ZSCAN18: variants seen among roughly 807,000 people sequenced by gnomAD.
The protein encoded by ZSCAN18 is zinc finger and SCAN domain containing 18.
A neutral mutation model predicts 31.1 loss-of-function variants in ZSCAN18; 16 were observed. The ratio of observed to expected loss-of-function variants is 0.51; its 90% confidence interval spans 0.35 to 0.78. The LOEUF is 0.78. Among genes scored for constraint, ZSCAN18 ranks in the 30% least tolerant of loss-of-function variants. The probability of loss-of-function intolerance (pLI) is 0.01; values close to 1 mark genes in which losing one functional copy is unlikely to be tolerated. For synonymous variants in ZSCAN18, 375 were observed against 320.7 expected (o/e 1.17, Z -1.81); for missense variants, 731 against 697.4 (o/e 1.05, Z -0.54).
Position 58,084,248 on chromosome 19 carries a change from G to C in ZSCAN18, c.*437C>G, listed in dbSNP as rs1212647719. 2 of 159,030 alleles carry C rather than the reference G, an allele frequency of 1.3e-5. No homozygotes were observed. The highest frequency in any genetic ancestry group is 3.7e-4 in the East Asian group (2 of 5,440). The allele number at this position is 159,030 out of a possible 1,614,324, so 9.9% of individuals were successfully genotyped here. On this transcript the variant is annotated 3_prime_UTR_variant, in exon 7 of 7. Coordinates refer to ENST00000601144, the MANE Select transcript of ZSCAN18 (RefSeq NM_001145543.2). The surrounding 1 kb of genome is among the most constrained non-coding windows in gnomAD (Gnocchi z 4.5). ...AGAAGTGAAGTTGACATCACGCCAAGTACGAAAAGGCTAAACAGCTGACAA... is the reference window on the plus strand; with the variant it reads ...AGAAGTGAAGTTGACATCACGCCAACTACGAAAAGGCTAAACAGCTGACAA...
intron 1 of ZSCAN18, among the ~76,000 whole-genome samples, chr19:58,112,634 G>C (rs1176274219): frequency 1.2e-5 from 1 of 83,630 alleles, no homozygotes; most frequent in East Asian, 2.7e-4. Flanking sequence ...CTGGGCGACA[G>C]AGCAAGACTG....
At chr19:58,116,262 C>A (rs1279836509) in intron 1 of ZSCAN18, among the ~76,000 whole-genome samples, 1 of 148,280 alleles carries the variant, frequency 6.7e-6, no homozygotes, top group African/African-American at 2.5e-5. Context: ...TCATCACACA[C>A]CCCCTCTGTG....
chr19:58,085,577 T>A (rs2074261774), intron 6 of ZSCAN18, 198 bp from the exon 7 acceptor site: 4 of 544,966 alleles, frequency 7.3e-6, no homozygotes, highest in South Asian at 5.0e-5. Flanking sequence ...GCTGCAGATG[T>A]GGGACCTGGA....
At chr19:58,091,497 C>T (rs1320817196) in intron 1 of ZSCAN18, among the ~76,000 whole-genome samples, 3 of 150,262 alleles carry the variant, frequency 2.0e-5, no homozygotes, top group Non-Finnish European at 4.4e-5. Context: ...ATCCACAGAA[C>T]CAGGCGGGAG....
At chr19:58,117,922 G>A (rs1372634693) in intron 1 of ZSCAN18, among the ~76,000 whole-genome samples, 1 of 151,828 alleles carries the variant, frequency 6.6e-6, no homozygotes, top group Non-Finnish European at 1.5e-5. Flanking sequence ...ACCGCACTGG[G>A]GAGAAGGGTA....
At chr19:58,087,058 G>A (rs1426535818) in intron 4 of ZSCAN18, 50 bp from the exon 5 acceptor site, 2 of 1,449,820 alleles carry the variant, frequency 1.4e-6, no homozygotes, top group Non-Finnish European at 1.9e-6. Flanking sequence ...AGAGAAGGGA[G>A]GACCCGCCGC....
At chr19:58,087,087 G>C in intron 4 of ZSCAN18, 79 bp from the exon 5 acceptor site, 1 of 1,300,062 alleles carries the variant, frequency 7.7e-7, no homozygotes. Context: ...AGCCACAGGA[G>C]CAGGCTAGGA....
At position 58,090,315 on chromosome 19, in the gene ZSCAN18, G is replaced by T; in HGVS notation, c.-48C>A. On this transcript the variant is annotated 5_prime_UTR_variant, in exon 2 of 7. Transcript: ENST00000601144. The surrounding 1 kb of genome is among the most constrained non-coding windows in gnomAD (Gnocchi z 4.7). The stretch of plus-strand genomic sequence containing the variant: ...ATGTGACTGTCTAGCCAGGGACAAG[G>T]TGGCTCCAAAGGAGAGGTGCCAGGG... 1 of 1,613,016 alleles carries T rather than the reference G, an allele frequency of 6.2e-7. No homozygotes were observed. Among genetic ancestry groups the T allele is most frequent in the Non-Finnish European group, 8.5e-7 (1 of 1,179,680 alleles).
chr19:58,115,531 T>C (rs1449439930), intron 1 of ZSCAN18, among the ~76,000 whole-genome samples: 4 of 152,360 alleles, frequency 2.6e-5, no homozygotes, highest in South Asian at 4.1e-4. Flanking sequence ...AACGTGTGTA[T>C]ATAACTTGGG....
At chr19:58,118,028 G>C (rs1000324608) in intron 1 of ZSCAN18, among the ~76,000 whole-genome samples, 1 of 151,990 alleles carries the variant, frequency 6.6e-6, no homozygotes, top group Non-Finnish European at 1.5e-5. Flanking sequence ...AGAGGCGTTA[G>C]GGGGTCCGCG....
chr19:58,117,325 T>G (rs1291982506), intron 1 of ZSCAN18, among the ~76,000 whole-genome samples: 2 of 151,890 alleles, frequency 1.3e-5, no homozygotes, highest in South Asian at 2.1e-4. Flanking sequence ...GGGTCAGCAT[T>G]CGGGCATCAG....
chr19:58,105,521 C>T (rs532503568), intron 1 of ZSCAN18, among the ~76,000 whole-genome samples: 120 of 152,090 alleles, frequency 7.9e-4, no homozygotes, highest in African/African-American at 2.8e-3. Flanking sequence ...ATTAGCCGGG[C>T]GTGGTGGCGG....
intron 2 of ZSCAN18, 103 bp from the exon 3 acceptor site, chr19:58,088,940 A>G (rs1364803061): frequency 3.6e-6 from 4 of 1,124,236 alleles, no homozygotes; most frequent in South Asian, 1.5e-5. Context: ...GGGCCACATC[A>G]CTACCCATCC....
intron 1 of ZSCAN18, among the ~76,000 whole-genome samples, chr19:58,095,161 T>C (rs2074497355): frequency 6.6e-6 from 1 of 152,150 alleles, no homozygotes; most frequent in Non-Finnish European, 1.5e-5. Context: ...CTCTACCCCC[T>C]GGCAATGGAG....
chr19:58,109,267 C>A, intron 1 of ZSCAN18: 1 of 1,231,684 alleles, frequency 8.1e-7, no homozygotes, highest in South Asian at 4.1e-5. Context: ...CAACACCATC[C>A]CAAGTTGATG....
rs779834219 is a variant in ZSCAN18, at chr19:58,084,673, C to G, written c.*12G>C. ...GCAAAGCGGCCCCTCCGGAACGGGA[C>G]AGCACAGCGGCTCACCTCTGCGCCT... On this transcript the variant is annotated 3_prime_UTR_variant, in exon 7 of 7. Coordinates refer to ENST00000601144, the MANE Select transcript of ZSCAN18 (RefSeq NM_001145543.2). This position sits in a 1 kb window ranked among gnomAD's most constrained non-coding sequence, Gnocchi z 4.5. 2.0e-6 allele frequency: 3 copies of G among 1,480,212 alleles called. No individual in the cohort carries two copies. The highest frequency in any genetic ancestry group is 2.8e-5 in the South Asian group (2 of 71,606). 91.7% of individuals were successfully genotyped at this position (1,480,212 alleles called of 1,614,324 possible).
rs768786256 is a variant in ZSCAN18 at position 58,090,229 on chromosome 19, G to A, written c.39C>T (p.Ser13=). Reference sequence around the variant, plus strand: ...TGGGCAGATCCGGCGGGGCTGGGGAGCTCCTGGGGGAGGCAAACGCCTTCT... The same window carrying A: ...TGGGCAGATCCGGCGGGGCTGGGGAACTCCTGGGGGAGGCAAACGCCTTCT... The part of the protein sequence containing the change: ...PLEKAFASPR[S]SPAPPDLPTP... The change falls in exon 2 of 7, where the codon AGC becomes AGT. Residue 13 remains serine, a synonymous_variant. Transcript: ENST00000601144. The surrounding 1 kb of genome is among the most constrained non-coding windows in gnomAD (Gnocchi z 4.7). 47 of 1,613,448 alleles carry A rather than the reference G, an allele frequency of 2.9e-5. No individual in the cohort carries two copies. The highest frequency in any genetic ancestry group is 3.6e-5 in the Non-Finnish European group (42 of 1,180,042).
exon 1 of ZSCAN18, chr19:58,118,384 C>T (rs1291381404): frequency 7.8e-6 from 12 of 1,530,120 alleles, no homozygotes; most frequent in Non-Finnish European, 9.7e-6. Flanking sequence ...GCTCGCCCTC[C>T]GACTCTCCGC....
At chr19:58,094,252 AT>A (rs1045975431) in intron 1 of ZSCAN18, among the ~76,000 whole-genome samples, 5 of 145,658 alleles carry the variant, frequency 3.4e-5, no homozygotes, top group South Asian at 2.2e-4. Context: ...AAAAAAAAAA[AT>A]AATAATAATT....
Sources: allele counts gnomAD v4.1 joint callset (sites outside exome capture counted in the v4.1 genomes callset), GRCh38; gene constraint gnomAD v4.1.1; non-coding constraint Gnocchi (gnomAD v3.1); transcripts MANE v1.5; gene names NCBI Gene and HGNC (gene_info 2026-07-23, HGNC 2026-07-21).